RNF220: variants seen among roughly 807,000 people sequenced by gnomAD.
The protein encoded by RNF220 is ring finger protein 220.
A neutral mutation model predicts 67.1 loss-of-function variants in RNF220; 7 were observed. The ratio of observed to expected loss-of-function variants is 0.10; its 90% CI spans 0.06 to 0.20. The LOEUF (loss-of-function observed/expected upper bound fraction) is 0.20. Among genes scored for constraint, RNF220 ranks in the 10% least tolerant of loss-of-function variants. RNF220 has a pLI of 1.00. For missense variants in RNF220, 565 were observed against 740.3 expected (o/e 0.76, Z 2.75); for synonymous variants, 270 against 283.2 (o/e 0.95, Z 0.47).
At position 44,419,274 on chromosome 1, in the gene RNF220, A is replaced by G. The variant is rs1648951329; in HGVS notation, c.625+6552A>G. 3 of 152,230 alleles carry G rather than the reference A, an allele frequency of 2.0e-5. No homozygotes were observed. In the South Asian group the frequency reaches 6.2e-4, roughly 32 times the overall value. The allele number at this position is 152,230 out of a possible 1,614,324, so 9.4% of individuals were successfully genotyped here. On this transcript the variant is annotated intron_variant, in intron 2 of 14. Transcript: ENST00000361799. ...TAACTTCACATGTGTGCTACAGGGTAGGAATTTGTAAGTATCTCTTTCTTT... is the reference window on the plus strand; with the variant it reads ...TAACTTCACATGTGTGCTACAGGGTGGGAATTTGTAAGTATCTCTTTCTTT...
intron 2 of RNF220, among the ~76,000 whole-genome samples, chr1:44,563,308 C>T (rs1325621167): frequency 6.6e-6 from 1 of 152,164 alleles, no homozygotes; most frequent in African/African-American, 2.4e-5. Context: ...GGCAGGGCCC[C>T]CTGAGCTGGT....
intron 2 of RNF220, among the ~76,000 whole-genome samples, chr1:44,496,402 A>C (rs1356481663): frequency 1.3e-5 from 2 of 152,246 alleles, no homozygotes; most frequent in Non-Finnish European, 2.9e-5. Flanking sequence ...ATAGACAGGC[A>C]TGAGAATGAA....
In RNF220 at chr1:44,649,635, A is replaced by G. The variant is rs1319092640; in HGVS notation, c.1446-26A>G. 2 of 1,608,088 alleles carry G rather than the reference A, an allele frequency of 1.2e-6. No homozygotes were observed. Among genetic ancestry groups the G allele is most frequent in the East Asian group, 4.5e-5 (2 of 44,862 alleles). On this transcript the variant is annotated intron_variant, in intron 12 of 14. Coordinates refer to ENST00000361799, the MANE Select transcript of RNF220 (RefSeq NM_018150.4). The surrounding 1 kb of genome is among the most constrained non-coding windows in gnomAD (Gnocchi z 5.9). ...TACAGATGAGAGATGCCAGCCTGCT[A>G]CCCAACCATGCCTTCCTTTTTACAG...
intron 1 of RNF220, among the ~76,000 whole-genome samples, chr1:44,409,789 T>C (rs1163268438): frequency 6.6e-6 from 1 of 152,170 alleles, no homozygotes; most frequent in African/African-American, 2.4e-5. Flanking sequence ...ATTTTGACAT[T>C]GGGAGTGTAT....
chr1:44,520,276 C>T (rs895402116), intron 2 of RNF220, among the ~76,000 whole-genome samples: 1 of 151,888 alleles, frequency 6.6e-6, no homozygotes, highest in African/African-American at 2.4e-5. Context: ...TCCTGGCTAA[C>T]ACAGTGAAAC....
chr1:44,544,120 C>G (rs1026288549), intron 2 of RNF220, among the ~76,000 whole-genome samples: 1 of 152,188 alleles, frequency 6.6e-6, no homozygotes, highest in African/African-American at 2.4e-5. Flanking sequence ...GTCGGGAGGA[C>G]CACAGGAGAC....
Position 44,649,933 on chromosome 1 carries a change from C to T in RNF220, c.1605C>T (p.Cys535=), listed in dbSNP as rs748463745. ...LTSIQCWHVH[C]EECWLRTLGA... ...CCATCCAGTGTTGGCACGTGCACTGCGAGGAGTGCTGGCTGCGGACCCTGG... is the reference window on the plus strand; with the variant it reads ...CCATCCAGTGTTGGCACGTGCACTGTGAGGAGTGCTGGCTGCGGACCCTGG... The change falls in exon 14 of 15, where the codon TGC becomes TGT. Residue 535 remains cysteine (C), a synonymous_variant. Coordinates refer to ENST00000361799, the MANE Select transcript of RNF220 (RefSeq NM_018150.4). The surrounding 1 kb of genome is among the most constrained non-coding windows in gnomAD (Gnocchi z 5.9). 9 of 1,613,916 alleles carry T rather than the reference C, an allele frequency of 5.6e-6. No homozygotes were observed. Among genetic ancestry groups the T allele is most frequent in the South Asian group, 4.4e-5 (4 of 91,088 alleles).
chr1:44,513,910 T>G (rs1659244338), intron 2 of RNF220, among the ~76,000 whole-genome samples: 1 of 152,198 alleles, frequency 6.6e-6, no homozygotes, highest in Non-Finnish European at 1.5e-5. Context: ...ATAGAGGCGT[T>G]TGTTAGCTTT....
chr1:44,629,555 GGGCCAGGCACAGT>G (rs1247927892), intron 5 of RNF220, among the ~76,000 whole-genome samples: 1 of 152,098 alleles, frequency 6.6e-6, no homozygotes, highest in Non-Finnish European at 1.5e-5. Flanking sequence ...AAGTTTCTAG[GGGCCAGGCACAGT>G]GGCTCATGCC....
chr1:44,439,212 A>C (rs1344331519), intron 2 of RNF220, among the ~76,000 whole-genome samples: 1 of 152,232 alleles, frequency 6.6e-6, no homozygotes, highest in Admixed American at 6.5e-5. Flanking sequence ...TTATCAACAC[A>C]TTATGATAAA....
intron 8 of RNF220, among the ~76,000 whole-genome samples, chr1:44,640,615 A>G (rs1439078450): frequency 6.6e-6 from 1 of 152,202 alleles, no homozygotes. Context: ...GGAGGCCCGG[A>G]AAGTGGCTAA....
At chr1:44,423,420 C>T (rs1386628685) in intron 2 of RNF220, among the ~76,000 whole-genome samples, 1 of 152,168 alleles carries the variant, frequency 6.6e-6, no homozygotes, top group Non-Finnish European at 1.5e-5. Context: ...TTGAGAATAT[C>T]CATTTGGTGC....
At chr1:44,519,521 C>G (rs148691012) in intron 2 of RNF220, among the ~76,000 whole-genome samples, 2 of 152,158 alleles carry the variant, frequency 1.3e-5, no homozygotes, top group South Asian at 2.1e-4. Flanking sequence ...AGACTGAAAG[C>G]CAGAGAAAGG....
At chr1:44,549,436 G>A (rs1662440878) in intron 2 of RNF220, among the ~76,000 whole-genome samples, 1 of 152,172 alleles carries the variant, frequency 6.6e-6, no homozygotes, top group Non-Finnish European at 1.5e-5. Flanking sequence ...TTCTCAAAAA[G>A]GGTGAATTCC....
At chr1:44,434,855 T>TA (rs77667821) in intron 2 of RNF220, among the ~76,000 whole-genome samples, 1,556 of 139,168 alleles carry the variant, frequency 0.011, 21 homozygotes, top group African/African-American at 0.034. Flanking sequence ...ACTCCATTTC[T>TA]AAAAAAAAAA....
At chr1:44,625,514 A>G (rs1044366418) in intron 4 of RNF220, among the ~76,000 whole-genome samples, 7 of 152,130 alleles carry the variant, frequency 4.6e-5, no homozygotes, top group African/African-American at 1.7e-4. Context: ...AAGCTGGGGA[A>G]GACTCCTAGG....
At chr1:44,559,491 A>T (rs937132621) in intron 2 of RNF220, among the ~76,000 whole-genome samples, 2 of 152,264 alleles carry the variant, frequency 1.3e-5, no homozygotes, top group African/African-American at 4.8e-5. Flanking sequence ...TGAAATGTTC[A>T]TTAGACAGAT....
chr1:44,542,631 T>G (rs1325054119), intron 2 of RNF220, among the ~76,000 whole-genome samples: 3 of 152,070 alleles, frequency 2.0e-5, no homozygotes, highest in Non-Finnish European at 4.4e-5. Flanking sequence ...GAGCCCCAGA[T>G]GAAAGGCCAT....
At chr1:44,530,765 A>G (rs745791304) in intron 2 of RNF220, among the ~76,000 whole-genome samples, 1 of 152,098 alleles carries the variant, frequency 6.6e-6, no homozygotes, top group Admixed American at 6.5e-5. Context: ...GGAGTTCAAG[A>G]CCAGCCTGAC....
Sources: allele counts gnomAD v4.1 joint callset (sites outside exome capture counted in the v4.1 genomes callset), GRCh38; gene constraint gnomAD v4.1.1; non-coding constraint Gnocchi (gnomAD v3.1); transcripts MANE v1.5; gene names NCBI Gene and HGNC (gene_info 2026-07-23, HGNC 2026-07-21).